The following VEZT variants were observed in gnomAD, a reference collection of about 807,000 sequenced individuals.
VEZT encodes the protein vezatin, adherens junctions transmembrane protein.
Under a neutral mutation model 79.9 loss-of-function variants are expected in VEZT, and 39 were observed. That is an observed-to-expected ratio of 0.49 (90% confidence interval 0.38 to 0.64). VEZT has a LOEUF of 0.64. VEZT is among the 30% of genes least tolerant of loss of function. The pLI, the probability that VEZT is intolerant of heterozygous loss-of-function variation, is 0.00. For missense variants in VEZT, 837 were observed against 893.1 expected (o/e 0.94, Z 0.80); for synonymous variants, 325 against 327.6 (o/e 0.99, Z 0.09).
Position 95,287,767 on chromosome 12 carries a change from AT to A in VEZT, c.1434del (p.Gln479SerfsTer34), listed in dbSNP as rs760002094. The A allele has an allele frequency of 1.2e-5, 20 of 1,607,656 alleles. No homozygotes were observed. The highest frequency in any genetic ancestry group is 1.7e-5 in the Non-Finnish European group (20 of 1,176,806). On this transcript the variant is annotated frameshift_variant, in exon 9 of 12. Transcript: ENST00000436874. LOFTEE classifies it high-confidence loss of function. ...YPILEQKLKL[I>X]QPHVQASNNC... ...CATCCTAGAACAGAAATTAAAGTTG[AT>A]TCAGCCCCACGTTCAAGCAAGCAAC...
chr12:95,264,250 T>A (rs547690358), intron 4 of VEZT, among the ~76,000 whole-genome samples: 13 of 152,296 alleles, frequency 8.5e-5, no homozygotes, highest in Admixed American at 7.8e-4. Context: ...GAAGGAACCA[T>A]AGGTTTTAAG....
At chr12:95,300,088 A>T in intron 11 of VEZT, 77 bp from the exon 12 acceptor site, 1 of 772,952 alleles carries the variant, frequency 1.3e-6, no homozygotes, top group Non-Finnish European at 1.8e-6. Context: ...AAAAAAACTG[A>T]GAGTTTGAAT....
intron 1 of VEZT, among the ~76,000 whole-genome samples, chr12:95,243,272 G>T (rs898740937): frequency 1.1e-4 from 16 of 149,988 alleles, no homozygotes; most frequent in African/African-American, 3.7e-4. Flanking sequence ...CTACTTGGGA[G>T]ACAGAGATGG....
intron 5 of VEZT, among the ~76,000 whole-genome samples, chr12:95,269,036 T>A (rs1408756592): frequency 6.6e-6 from 1 of 152,220 alleles, no homozygotes; most frequent in Non-Finnish European, 1.5e-5. Flanking sequence ...TAAAATTTGG[T>A]TTTTATAGAT....
chr12:95,292,858 T>TTG (rs2073280330), intron 9 of VEZT, among the ~76,000 whole-genome samples: 1 of 145,424 alleles, frequency 6.9e-6, no homozygotes, highest in Admixed American at 6.8e-5. Flanking sequence ...TTTTTTTTTT[T>TTG]TTTTTTTTTT....
At chr12:95,233,728 A>G (rs2059601711) in intron 1 of VEZT, among the ~76,000 whole-genome samples, 1 of 152,152 alleles carries the variant, frequency 6.6e-6, no homozygotes, top group Non-Finnish European at 1.5e-5. Flanking sequence ...CTTTCAGATT[A>G]TTCTCAGCGC....
At chr12:95,300,121 G>A (rs934143914) in intron 11 of VEZT, 44 bp from the exon 12 acceptor site, 1 of 1,180,976 alleles carries the variant, frequency 8.5e-7, no homozygotes, top group African/African-American at 1.6e-5. Flanking sequence ...TCATTGCTAG[G>A]TCCTTAGTTA....
intron 9 of VEZT, among the ~76,000 whole-genome samples, chr12:95,292,782 C>T (rs1335120621): frequency 6.7e-6 from 1 of 150,332 alleles, no homozygotes; most frequent in Non-Finnish European, 1.5e-5. Context: ...CTCTTGACCT[C>T]GTGATCCACC....
At chr12:95,237,613 A>T (rs2060372483) in intron 1 of VEZT, among the ~76,000 whole-genome samples, 1 of 152,186 alleles carries the variant, frequency 6.6e-6, no homozygotes, top group African/African-American at 2.4e-5. Context: ...TTGGGAAAAC[A>T]CAGCACTGGA....
chr12:95,255,106 C>T (rs1040013662), intron 2 of VEZT, among the ~76,000 whole-genome samples: 1 of 152,100 alleles, frequency 6.6e-6, no homozygotes, highest in African/African-American at 2.4e-5. Context: ...ATGTGCCCCA[C>T]AAAGCTCAGA....
chr12:95,233,283 C>G (rs186230459), intron 1 of VEZT, among the ~76,000 whole-genome samples: 1 of 151,872 alleles, frequency 6.6e-6, no homozygotes, highest in South Asian at 2.1e-4. Flanking sequence ...TCACATAATA[C>G]AGGGAAAGGA....
rs14121 is a variant in VEZT at position 95,300,618 on chromosome 12, G to A, written c.2285G>A (p.Gly762Asp). 1,147,112 of 1,606,204 alleles carry A rather than the reference G, an allele frequency of 0.71. 411,955 individuals carry two copies. The highest frequency in any genetic ancestry group is 0.93 in the African/African-American group (69,232 of 74,786). Residue 762 changes from glycine to aspartate, a missense_variant, in exon 12 of 12, where the codon GGT (glycine) becomes GAT (aspartate). By Grantham distance (94) the Gly-to-Asp change is moderately conservative (BLOSUM62 -1). Coordinates refer to ENST00000436874, the MANE Select transcript of VEZT (RefSeq NM_017599.4). ...ACCATGCAGGAACAGACTTTTGGTG[G>A]TGAGGAGGAAGAACAAATAATAGAA... ...FTTMQEQTFG[G>D]EEEEQIIEEN...
rs2075071849 is a variant in VEZT at position 95,300,461 on chromosome 12, G to A, written c.2128G>A (p.Ala710Thr). 1.2e-6 allele frequency: 2 copies of A among 1,613,910 alleles called. No homozygotes were observed. The highest frequency in any genetic ancestry group is 1.7e-6 in the Non-Finnish European group (2 of 1,179,848). The change falls in exon 12 of 12, where the codon GCC (alanine) becomes ACC (threonine). Residue 710 changes from alanine (A) to threonine (T), a missense_variant. Transcript: ENST00000436874. Reference protein sequence around the residue: ...PQADGSGLTTAPPTPRDSLQP... With the variant: ...PQADGSGLTTTPPTPRDSLQP... ...AGCAGATGGAAGTGGTCTGACCACT[G>A]CCCCTCCAACTCCCAGGGACTCATT...
intron 3 of VEZT, among the ~76,000 whole-genome samples, chr12:95,261,438 A>G (rs1272402892): frequency 2.0e-5 from 3 of 151,882 alleles, no homozygotes; most frequent in African/African-American, 7.3e-5. Flanking sequence ...TTGAGACGGA[A>G]TCTTGCTCTG....
intron 10 of VEZT, among the ~76,000 whole-genome samples, chr12:95,295,292 C>T (rs533682852): frequency 3.3e-4 from 50 of 152,292 alleles, no homozygotes; most frequent in Admixed American, 1.0e-3. Flanking sequence ...TCCTGAGTAG[C>T]TGGGATTACA....
At position 95,287,761 on chromosome 12, in the gene VEZT, A is replaced by C. The variant is rs777634891; in HGVS notation, c.1426A>C (p.Lys476Gln). The C allele has an allele frequency of 3.7e-6, 6 of 1,607,044 alleles. No individual in the cohort carries two copies. Among genetic ancestry groups the C allele is most frequent in the Non-Finnish European group, 5.1e-6 (6 of 1,176,414 alleles). Reference protein sequence around the residue: ...EAYPILEQKLKLIQPHVQASN... With the variant: ...EAYPILEQKLQLIQPHVQASN... ...TTATCCCATCCTAGAACAGAAATTA[A>C]AGTTGATTCAGCCCCACGTTCAAGC... The change falls in exon 9 of 12, where the codon AAG becomes CAG. Residue 476 changes from lysine to glutamine, a missense_variant. Coordinates refer to ENST00000436874, the MANE Select transcript of VEZT (RefSeq NM_017599.4).
At chr12:95,294,225 G>T (rs1342863174) in intron 9 of VEZT, 47 bp from the exon 10 acceptor site, 2 of 1,466,620 alleles carry the variant, frequency 1.4e-6, no homozygotes, top group South Asian at 2.4e-5. Flanking sequence ...TCATTTCTGT[G>T]TGGTCTGTTT....
intron 2 of VEZT, chr12:95,256,723 A>G: frequency 5.5e-6 from 3 of 547,328 alleles, no homozygotes; most frequent in Non-Finnish European, 8.6e-6. Context: ...AGTATTGTGG[A>G]ATGAAATGGT....
At position 95,218,086 on chromosome 12, in the gene VEZT, G is replaced by A. The variant is rs115978308; in HGVS notation, c.36+200G>A. On this transcript the variant is annotated intron_variant, in intron 1 of 11. Coordinates refer to ENST00000436874, the MANE Select transcript of VEZT (RefSeq NM_017599.4). Reference sequence around the variant, plus strand: ...GCCAGAGGCGCCCTGGCCGTGGCCGGCCTCTATCTCGGGCCCGCCCAGAAT... The same window carrying A: ...GCCAGAGGCGCCCTGGCCGTGGCCGACCTCTATCTCGGGCCCGCCCAGAAT... The A allele has an allele frequency of 6.6e-3, 2,795 of 421,596 alleles. 75 individuals carry two copies. Among genetic ancestry groups the A allele is most frequent in the African/African-American group, 0.054 (2,590 of 48,298 alleles). The allele number at this position is 421,596 out of a possible 1,614,324, so 26.1% of individuals were successfully genotyped here.
Sources: allele counts gnomAD v4.1 joint callset (sites outside exome capture counted in the v4.1 genomes callset), GRCh38; gene constraint gnomAD v4.1.1; transcripts MANE v1.5; gene names NCBI Gene and HGNC (gene_info 2026-07-23, HGNC 2026-07-21).